PSAP: variants seen among roughly 807,000 people sequenced by gnomAD.
PSAP encodes prosaposin.
In PSAP, 25 loss-of-function variants were observed where a neutral mutation model predicts 66.0. The observed-to-expected ratio is 0.38, with a 90% CI of 0.28 to 0.53. The LOEUF is 0.53. Among genes scored for constraint, PSAP ranks in the 20% least tolerant of loss-of-function variants. PSAP has a pLI of 0.83. For synonymous variants in PSAP, 273 were observed against 258.9 expected (o/e 1.05, Z -0.52); for missense variants, 649 against 668.8 (o/e 0.97, Z 0.33).
At chr10:71,830,998 A>G in intron 4 of PSAP, 128 bp downstream of exon 4, 2 of 1,406,734 alleles carry the variant, frequency 1.4e-6, no homozygotes, top group Admixed American at 3.4e-5. Flanking sequence ...GTCAAATTGT[A>G]GCAAAATGCT....
rs774297382 is a variant in PSAP, at chr10:71,821,739, G to A, written c.909+137C>T. 5.9e-5 allele frequency: 70 copies of A among 1,178,018 alleles called. No individual in the cohort carries two copies. The Middle Eastern group carries it at 7.6e-4, about 13-fold the overall frequency. 73.0% of individuals were successfully genotyped at this position (1,178,018 alleles called of 1,614,324 possible). ...AGTATAGGGGATAGGATAAACCAGT[G>A]ATCACAAACTCAAAGACCTTTAGGA... On this transcript the variant is annotated intron_variant, in intron 8 of 13. Transcript: ENST00000394936.
intron 7 of PSAP, 62 bp downstream of exon 7, chr10:71,825,775 T>C (rs1418664254): frequency 1.3e-6 from 2 of 1,499,018 alleles, no homozygotes; most frequent in East Asian, 2.3e-5. Context: ...TCAAAATTCC[T>C]AGAAATGACG....
At position 71,816,312 on chromosome 10, in the gene PSAP, T is replaced by C. The variant is rs949607643; in HGVS notation, c.*1129A>G. On this transcript the variant is annotated 3_prime_UTR_variant, in exon 14 of 14. Transcript: ENST00000394936. Reference sequence around the variant, plus strand: ...TTAGGCCCAGATCTGGCTAACAGAATTTTATTGTTAAATCACAGAAACTTT... The same window carrying C: ...TTAGGCCCAGATCTGGCTAACAGAACTTTATTGTTAAATCACAGAAACTTT... 4.4e-6 allele frequency: 2 copies of C among 458,100 alleles called. No individual in the cohort carries two copies. Among genetic ancestry groups the C allele is most frequent in the Non-Finnish European group, 9.2e-6 (2 of 216,652 alleles). The allele number at this position is 458,100 out of a possible 1,614,324, so 28.4% of individuals were successfully genotyped here. A position where few individuals can be genotyped will look rare whatever the true frequency, so the allele number is the denominator to read the frequency against.
intron 7 of PSAP, 35 bp downstream of exon 7, chr10:71,825,802 G>A: frequency 6.3e-7 from 1 of 1,588,164 alleles, no homozygotes; most frequent in Non-Finnish European, 8.6e-7. Flanking sequence ...GAAAAACAAA[G>A]AAAAATGCTA....
At chr10:71,838,157 G>A (rs1357627569) in intron 1 of PSAP, among the ~76,000 whole-genome samples, 3 of 152,212 alleles carry the variant, frequency 2.0e-5, no homozygotes, top group African/African-American at 2.4e-5. Flanking sequence ...ATTCAAAAAC[G>A]TCCACATGAG....
intron 12 of PSAP, 115 bp downstream of exon 12, chr10:71,818,916 C>T: frequency 8.8e-7 from 1 of 1,142,448 alleles, no homozygotes; most frequent in Non-Finnish European, 1.3e-6. Flanking sequence ...GGCTCTCCCG[C>T]AGCAGAACCC....
At chr10:71,819,200 G>T in intron 11 of PSAP, 89 bp from the exon 12 acceptor site, 1 of 1,231,426 alleles carries the variant, frequency 8.1e-7, no homozygotes, top group Non-Finnish European at 1.2e-6. Context: ...TGGATACACT[G>T]TTCCCTGAGA....
intron 7 of PSAP, chr10:71,823,784 C>T: frequency 1.2e-6 from 1 of 828,138 alleles, no homozygotes; most frequent in Non-Finnish European, 1.7e-6. Flanking sequence ...GTAACCATTC[C>T]TTGTATCTGT....
At chr10:71,829,595 T>C (rs1251728275) in intron 4 of PSAP, among the ~76,000 whole-genome samples, 1 of 152,190 alleles carries the variant, frequency 6.6e-6, no homozygotes, top group African/African-American at 2.4e-5. Flanking sequence ...ATTAAACCTT[T>C]TTTTCTTTTT....
intron 7 of PSAP, among the ~76,000 whole-genome samples, chr10:71,822,991 A>G (rs1319879710): frequency 6.6e-6 from 1 of 151,798 alleles, no homozygotes; most frequent in Non-Finnish European, 1.5e-5. Context: ...AACGCAGCTG[A>G]AGATACAGCA....
In PSAP at chr10:71,824,580, C is replaced by T. The variant is rs186348726; in HGVS notation, c.777+1257G>A. ...CCTAGATACATCCGGCCACCGGGGA[C>T]CAATTATGTAAATTCTCTTCTATGT... On this transcript the variant is annotated intron_variant, in intron 7 of 13. Coordinates refer to ENST00000394936, the MANE Select transcript of PSAP (RefSeq NM_002778.4). Among the ~76,000 whole-genome samples the T allele has an allele frequency of 1.6e-3, 246 of 152,330 alleles. 1 individual carries two copies. The highest frequency in any genetic ancestry group is 2.7e-3 in the Non-Finnish European group (183 of 68,034).
chr10:71,819,197 A>G, intron 11 of PSAP, 86 bp from the exon 12 acceptor site: 2 of 1,259,044 alleles, frequency 1.6e-6, no homozygotes, highest in Non-Finnish European at 1.2e-6. Flanking sequence ...CCCTGGATAC[A>G]CTGTTCCCTG....
At chr10:71,825,720 A>G (rs1842389388) in intron 7 of PSAP, 117 bp downstream of exon 7, 1 of 965,994 alleles carries the variant, frequency 1.0e-6, no homozygotes, top group African/African-American at 1.6e-5. Flanking sequence ...ATTTAGCCCA[A>G]TTCAGCACTC....
chr10:71,824,105 G>C (rs948799368), intron 7 of PSAP, among the ~76,000 whole-genome samples: 2 of 152,110 alleles, frequency 1.3e-5, no homozygotes, highest in Admixed American at 1.3e-4. Flanking sequence ...AGCTTTCCTG[G>C]CCCTGCAGGG....
chr10:71,822,636 G>C (rs371311031), intron 7 of PSAP: 1 of 472,180 alleles, frequency 2.1e-6, no homozygotes. Flanking sequence ...CAAACACAGA[G>C]CACTAGATAG....
chr10:71,830,487 A>G (rs1180764183), intron 4 of PSAP, among the ~76,000 whole-genome samples: 1 of 152,188 alleles, frequency 6.6e-6, no homozygotes, highest in Admixed American at 6.5e-5. Flanking sequence ...ATGACACTCC[A>G]AGGCTGCACT....
chr10:71,820,112 G>A lies in PSAP; in HGVS notation c.1005+128C>T, dbSNP rs993694644. On this transcript the variant is annotated intron_variant, in intron 9 of 13. Coordinates refer to ENST00000394936, the MANE Select transcript of PSAP (RefSeq NM_002778.4). ...CCCACTGGTGAGGATTGCCTTCCAC[G>A]AGATGGGGACATGGCTGTACACATG... is the stretch of plus-strand genomic sequence containing the variant. The A allele has an allele frequency of 3.0e-5, 30 of 990,384 alleles. No individual in the cohort carries two copies. The African/African-American group carries it at 3.3e-4, about 11-fold the overall frequency. 61.3% of individuals were successfully genotyped at this position (990,384 alleles called of 1,614,324 possible).
chr10:71,824,382 G>A (rs1196647177), intron 7 of PSAP, among the ~76,000 whole-genome samples: 2 of 152,224 alleles, frequency 1.3e-5, no homozygotes, highest in African/African-American at 4.8e-5. Flanking sequence ...TCTACTGCAG[G>A]TGGCCAAATG....
Position 71,819,886 on chromosome 10 carries a change from G to T in PSAP, c.1020C>A (p.Asp340Glu), listed in dbSNP as rs113679008. 1 of 1,613,986 alleles carries T rather than the reference G, an allele frequency of 6.2e-7. No homozygotes were observed. The highest frequency in any genetic ancestry group is 2.2e-5 in the East Asian group (1 of 44,892). ...DNNKTEKEILDAFDKMCSKLP... is the reference protein window; with the variant it reads ...DNNKTEKEILEAFDKMCSKLP... The stretch of plus-strand genomic sequence containing the variant: ...GCTTCGAGCACATTTTGTCAAAAGC[G>T]TCGAGTATTTCTTTCTGAAACACAC... Residue 340 changes from aspartate (D) to glutamate (E), a missense_variant, in exon 10 of 14, where the codon GAC becomes GAA. Asp to Glu is a conservative substitution (Grantham distance 45). Coordinates refer to ENST00000394936, the MANE Select transcript of PSAP (RefSeq NM_002778.4).
Sources: gnomAD v4.1 joint callset for allele counts (sites outside exome capture counted in the v4.1 genomes callset) on GRCh38, gnomAD v4.1.1 for gene constraint, MANE v1.5 for transcripts, NCBI Gene and HGNC (gene_info 2026-07-23, HGNC 2026-07-21) for gene names.